CUL9: variants seen among roughly 807,000 people sequenced by gnomAD.
CUL9 encodes cullin 9.
Under a neutral mutation model 272.6 loss-of-function variants are expected in CUL9, and 79 were observed. The observed-to-expected ratio is 0.29, with a 90% CI of 0.24 to 0.35. The LOEUF is 0.35. Among genes scored for constraint, CUL9 ranks in the 10% least tolerant of loss-of-function variants. CUL9 has a pLI of 1.00. For synonymous variants in CUL9, 1,186 were observed against 1,286.5 expected, an observed-to-expected ratio of 0.92 and a Z score of 1.67; for missense variants, 2,532 against 3,255.6, an observed-to-expected ratio of 0.78 and a Z score of 5.41.
rs61739483 is a variant in CUL9 at position 43,187,720 on chromosome 6, G to C, written c.1589G>C (p.Gly530Ala). Residue 530 changes from glycine to alanine, a missense_variant, in exon 7 of 41, where the codon GGT (glycine) becomes GCT (alanine). Gly to Ala is a moderately conservative substitution (Grantham distance 60, BLOSUM62 0). This residue lies in a region of CUL9 where 2,218 missense variants were observed against 2,788.6 expected (regional missense o/e 0.80). Transcript: ENST00000252050. ...NLWKNLDETLGEKALGEISVS... is the reference protein window; with the variant it reads ...NLWKNLDETLAEKALGEISVS... ...TACCCCTTCTGTTGACAGACCCTGGGTGAAAAGGCCCTAGGTGAGATCTCT... is the reference window on the plus strand; with the variant it reads ...TACCCCTTCTGTTGACAGACCCTGGCTGAAAAGGCCCTAGGTGAGATCTCT... The C allele has an allele frequency of 8.9e-3, 14,350 of 1,612,338 alleles. 81 individuals carry two copies. The highest frequency in any genetic ancestry group is 0.011 in the Middle Eastern group (54 of 4,964).
chr6:43,223,192 TA>T lies in CUL9; in HGVS notation c.7151-71del. The T allele has an allele frequency of 6.6e-7, 1 of 1,511,888 alleles. No homozygotes were observed. Among genetic ancestry groups the T allele is most frequent in the Admixed American group, 2.0e-5 (1 of 49,928 alleles). The allele number at this position is 1,511,888 out of a possible 1,614,324, so 93.7% of individuals were successfully genotyped here. On this transcript the variant is annotated intron_variant, in intron 38 of 40. Coordinates refer to ENST00000252050, the MANE Select transcript of CUL9 (RefSeq NM_015089.4). The surrounding 1 kb of genome is among the most constrained non-coding windows in gnomAD (Gnocchi z 4.1). ...CACCTGGTGCTTGGTAGACGTTCCA[TA>T]GGTGTTTGTTGGAGGAAGGAATGGA...
In CUL9 at chr6:43,206,135, A is replaced by G. The variant is rs1479216614; in HGVS notation, c.4922A>G (p.Glu1641Gly). 21 of 1,614,050 alleles carry G rather than the reference A, an allele frequency of 1.3e-5. No homozygotes were observed. The highest frequency in any genetic ancestry group is 1.6e-5 in the Non-Finnish European group (19 of 1,180,038). Residue 1641 changes from glutamate to glycine, a missense_variant, in exon 25 of 41, where the codon GAG (glutamate) becomes GGG (glycine). Transcript: ENST00000252050. The surrounding 1 kb of genome is among the most constrained non-coding windows in gnomAD (Gnocchi z 4.8). ...ATGCTGCAGAGCCTGAGCACCTCTG[A>G]GGAGCTGCAGCGCCAGTTCCACCTC... The part of the protein sequence containing the change: ...QLMLQSLSTS[E>G]ELQRQFHLFQ...
chr6:43,209,349 C>T (rs1055040629), intron 26 of CUL9, among the ~76,000 whole-genome samples: 2 of 151,562 alleles, frequency 1.3e-5, no homozygotes, highest in African/African-American at 4.9e-5. Context: ...CAGGGTTTCA[C>T]CATGTTAGCC....
At chr6:43,209,444 C>T (rs57722196) in intron 26 of CUL9, among the ~76,000 whole-genome samples, 4,350 of 152,010 alleles carry the variant, frequency 0.029, 112 homozygotes, top group African/African-American at 0.077. Flanking sequence ...CCACCGTGCC[C>T]GGCCATTCTA....
chr6:43,185,038 A>T, intron 2 of CUL9, 133 bp downstream of exon 2: 1 of 710,754 alleles, frequency 1.4e-6, no homozygotes, highest in Non-Finnish European at 2.3e-6. Context: ...AAAGGAAAAA[A>T]TATAGATTAA....
At position 43,199,179 on chromosome 6, in the gene CUL9, G is replaced by T. The variant is rs976331900; in HGVS notation, c.3051-87G>T. ...TCGAACTCCCGACCTCAGGTGATCC[G>T]CCCACTTCGGCCTCCCAAAGTGCTG... On this transcript the variant is annotated intron_variant, in intron 12 of 40. Coordinates refer to ENST00000252050, the MANE Select transcript of CUL9 (RefSeq NM_015089.4). This position sits in a 1 kb window ranked among gnomAD's most constrained non-coding sequence, Gnocchi z 4.4. 3 of 1,103,614 alleles carry T rather than the reference G, an allele frequency of 2.7e-6. No individual in the cohort carries two copies. The highest frequency in any genetic ancestry group is 1.7e-5 in the Admixed American group (1 of 57,622). 68.4% of individuals were successfully genotyped at this position (1,103,614 alleles called of 1,614,324 possible). A position where few individuals can be genotyped will look rare whatever the true frequency, so the allele number is the denominator to read the frequency against.
rs1192639509 is a variant in CUL9 at position 43,206,107 on chromosome 6, C to G, written c.4894C>G (p.Leu1632Val). The change falls in exon 25 of 41, where the codon CTG (leucine) becomes GTG (valine). Residue 1632 changes from leucine to valine, a missense_variant. Leu to Val is a conservative substitution (Grantham distance 32). This residue lies in a region of CUL9 where 2,218 missense variants were observed against 2,788.6 expected (regional missense o/e 0.80). Coordinates refer to ENST00000252050, the MANE Select transcript of CUL9 (RefSeq NM_015089.4). The surrounding 1 kb of genome is among the most constrained non-coding windows in gnomAD (Gnocchi z 4.8). Reference protein sequence around the residue: ...GLCFPNRLPQLMLQSLSTSEE... With the variant: ...GLCFPNRLPQVMLQSLSTSEE... ...CTGTTTTCCCAACCGCCTCCCACAG[C>G]TGATGCTGCAGAGCCTGAGCACCTC... is the stretch of plus-strand genomic sequence containing the variant. 1 of 1,614,094 alleles carries G rather than the reference C, an allele frequency of 6.2e-7. No homozygotes were observed. Among genetic ancestry groups the G allele is most frequent in the African/African-American group, 1.3e-5 (1 of 74,934 alleles).
Position 43,187,595 on chromosome 6 carries a change from G to A in CUL9, c.1582-118G>A, listed in dbSNP as rs1046362652. 8 of 1,343,348 alleles carry A rather than the reference G, an allele frequency of 6.0e-6. No individual in the cohort carries two copies. In the African/African-American group the frequency reaches 1.2e-4, roughly 20 times the overall value. 83.2% of individuals were successfully genotyped at this position (1,343,348 alleles called of 1,614,324 possible). ...GCTGGGGGTTGGAGGCAAGTGCTGT[G>A]AGGGTCTAGTATGTAGAAGGTGTGG... On this transcript the variant is annotated intron_variant, in intron 6 of 40. Transcript: ENST00000252050.
rs1434872117 is a variant in CUL9 at position 43,202,592 on chromosome 6, C to G, written c.3648-124C>G. On this transcript the variant is annotated intron_variant, in intron 16 of 40. Transcript: ENST00000252050. ...AGAGGTGGGGTCTTGCAGTGTTGCC[C>G]AGGTTGATCTTAAACTAGCCTCAAG... The G allele has an allele frequency of 1.3e-5, 10 of 763,658 alleles. No individual in the cohort carries two copies. The East Asian group carries it at 2.5e-4, about 19-fold the overall frequency. The allele number at this position is 763,658 out of a possible 1,614,324, so 47.3% of individuals were successfully genotyped here. A position where few individuals can be genotyped will look rare whatever the true frequency, so the allele number is the denominator to read the frequency against.
chr6:43,186,866 T>A lies in CUL9; in HGVS notation c.1252-94T>A, dbSNP rs552312642. ...TGTATCTGAGGGTGCGCCCCAGATCTATGCTTGGGCATGTCCTTTCAAGCC... is the reference window on the plus strand; with the variant it reads ...TGTATCTGAGGGTGCGCCCCAGATCAATGCTTGGGCATGTCCTTTCAAGCC... On this transcript the variant is annotated intron_variant, in intron 4 of 40. Coordinates refer to ENST00000252050, the MANE Select transcript of CUL9 (RefSeq NM_015089.4). 8.8e-4 allele frequency: 1,293 copies of A among 1,476,352 alleles called. 2 individuals carry two copies. The highest frequency in any genetic ancestry group is 1.1e-3 in the Non-Finnish European group (1,238 of 1,085,908). 91.5% of individuals were successfully genotyped at this position (1,476,352 alleles called of 1,614,324 possible).
In CUL9 at chr6:43,205,274, G is replaced by A. The variant is rs1290469503; in HGVS notation, c.4644G>A (p.Gln1548=). 3 of 1,613,576 alleles carry A rather than the reference G, an allele frequency of 1.9e-6. No homozygotes were observed. The highest frequency in any genetic ancestry group is 2.5e-6 in the Non-Finnish European group (3 of 1,179,600). The change falls in exon 24 of 41, where the codon CAG becomes CAA. Residue 1548 remains glutamine (Q), a synonymous_variant. Coordinates refer to ENST00000252050, the MANE Select transcript of CUL9 (RefSeq NM_015089.4). ...TCCCCTGCCCCCAGATGAGTGAGCA[G>A]TTTGCCAGGTACATTGACCAACAGA... ...SFLTAAHMSE[Q]FARYIDQQIQ...
chr6:43,221,861 C>G lies in CUL9; in HGVS notation c.6846+83C>G, dbSNP rs1372746458. The G allele has an allele frequency of 2.4e-6, 3 of 1,227,192 alleles. No individual in the cohort carries two copies. In the African/African-American group the frequency reaches 4.4e-5, roughly 18 times the overall value. 76.0% of individuals were successfully genotyped at this position (1,227,192 alleles called of 1,614,324 possible). On this transcript the variant is annotated intron_variant, in intron 35 of 40. Coordinates refer to ENST00000252050, the MANE Select transcript of CUL9 (RefSeq NM_015089.4). The surrounding 1 kb of genome is among the most constrained non-coding windows in gnomAD (Gnocchi z 4.2). ...GCTACCAGGTCCTGGGCAGACAGGG[C>G]TCCTTGTGCAGTGCAGCATTCTAGC...
At position 43,204,777 on chromosome 6, in the gene CUL9, A is replaced by G. The variant is rs1294253733; in HGVS notation, c.4369A>G (p.Ser1457Gly). ...CAAGAACAGCAAGGGTCGGGACCGG[A>G]GCCCGGCGCCTTCGCCAGTGCTTCC... ...FSKNSKGRDR[S>G]PAPSPVLPSS... The change falls in exon 22 of 41, where the codon AGC (serine) becomes GGC (glycine). Residue 1457 changes from serine (S) to glycine (G), a missense_variant. Ser to Gly is a moderately conservative substitution (Grantham distance 56). Transcript: ENST00000252050. 4.3e-6 allele frequency: 7 copies of G among 1,614,064 alleles called. No individual in the cohort carries two copies. The Admixed American group carries it at 1.0e-4, about 23-fold the overall frequency.
Position 43,220,992 on chromosome 6 carries a change from A to T in CUL9, c.6588+81A>T, listed in dbSNP as rs948111554. The T allele has an allele frequency of 9.4e-6, 14 of 1,487,686 alleles. No individual in the cohort carries two copies. Among genetic ancestry groups the T allele is most frequent in the Non-Finnish European group, 1.2e-5 (13 of 1,110,654 alleles). 92.2% of individuals were successfully genotyped at this position (1,487,686 alleles called of 1,614,324 possible). On this transcript the variant is annotated intron_variant, in intron 33 of 40. Coordinates refer to ENST00000252050, the MANE Select transcript of CUL9 (RefSeq NM_015089.4). This position sits in a 1 kb window ranked among gnomAD's most constrained non-coding sequence, Gnocchi z 4.9. ...TTAATATCCCCACCCCGCCACACAC[A>T]CAGACTGTGACTTGTCCTTCCTCAG...
At position 43,223,148 on chromosome 6, in the gene CUL9, A is replaced by C; in HGVS notation, c.7151-116A>C. On this transcript the variant is annotated intron_variant, in intron 38 of 40. Coordinates refer to ENST00000252050, the MANE Select transcript of CUL9 (RefSeq NM_015089.4). This position sits in a 1 kb window ranked among gnomAD's most constrained non-coding sequence, Gnocchi z 4.1. Reference sequence around the variant, plus strand: ...TTACCCTGCTCCCCTAGGGAGCTTCATGAGAATGTCTAGAGCTGCACCTGG... The same window carrying C: ...TTACCCTGCTCCCCTAGGGAGCTTCCTGAGAATGTCTAGAGCTGCACCTGG... 1 of 1,394,360 alleles carries C rather than the reference A, an allele frequency of 7.2e-7. No homozygotes were observed. Among genetic ancestry groups the C allele is most frequent in the Non-Finnish European group, 9.6e-7 (1 of 1,039,274 alleles). 86.4% of individuals were successfully genotyped at this position (1,394,360 alleles called of 1,614,324 possible).
chr6:43,203,228 G>T lies in CUL9; in HGVS notation c.3849+24G>T. Reference sequence around the variant, plus strand: ...AGGTGGTGTTAGGGTGTCAGCCAGGGCTGAGGAGGAGGAGGTGGCACACAA... The same window carrying T: ...AGGTGGTGTTAGGGTGTCAGCCAGGTCTGAGGAGGAGGAGGTGGCACACAA... On this transcript the variant is annotated intron_variant, in intron 18 of 40. Transcript: ENST00000252050. This position sits in a 1 kb window ranked among gnomAD's most constrained non-coding sequence, Gnocchi z 5.0. The T allele has an allele frequency of 6.2e-7, 1 of 1,613,696 alleles. No homozygotes were observed. The highest frequency in any genetic ancestry group is 1.1e-5 in the South Asian group (1 of 91,080).
rs765124435 is a variant in CUL9 at position 43,186,147 on chromosome 6, C to G, written c.943C>G (p.Arg315Gly). ...AVGNLISELVRSMGWARNLSE... is the reference protein window; with the variant it reads ...AVGNLISELVGSMGWARNLSE... The stretch of plus-strand genomic sequence containing the variant: ...GGGCAACCTCATCTCTGAGCTTGTG[C>G]GGAGCATGGGCTGGGCCCGGAACCT... Residue 315 changes from arginine to glycine, a missense_variant, in exon 4 of 41, where the codon CGG (arginine) becomes GGG (glycine). Arg to Gly is a moderately radical substitution (Grantham distance 125). This residue lies in a region of CUL9 where 2,218 missense variants were observed against 2,788.6 expected (regional missense o/e 0.80). Transcript: ENST00000252050. The G allele has an allele frequency of 1.9e-6, 3 of 1,614,216 alleles. No homozygotes were observed. The highest frequency in any genetic ancestry group is 2.5e-6 in the Non-Finnish European group (3 of 1,180,034).
chr6:43,189,703 C>T (rs931379816), intron 8 of CUL9, among the ~76,000 whole-genome samples: 1 of 152,060 alleles, frequency 6.6e-6, no homozygotes, highest in Admixed American at 6.6e-5. Flanking sequence ...ACCACCAGGC[C>T]CAGCTAATTT....
Position 43,203,975 on chromosome 6 carries a change from A to G in CUL9, c.4147A>G (p.Ile1383Val). The G allele has an allele frequency of 6.2e-7, 1 of 1,601,918 alleles. No homozygotes were observed. Among genetic ancestry groups the G allele is most frequent in the Non-Finnish European group, 8.5e-7 (1 of 1,171,478 alleles). The change falls in exon 20 of 41, where the codon ATC becomes GTC. Residue 1383 changes from isoleucine (I) to valine (V), a missense_variant. Coordinates refer to ENST00000252050, the MANE Select transcript of CUL9 (RefSeq NM_015089.4). This position sits in a 1 kb window ranked among gnomAD's most constrained non-coding sequence, Gnocchi z 5.0. ...EALVSPLVQNITSPDAEGVSA... is the reference protein window; with the variant it reads ...EALVSPLVQNVTSPDAEGVSA... The stretch of plus-strand genomic sequence containing the variant: ...CCTGGTCAGCCCCCTGGTGCAGAAC[A>G]TCACCTCTCCCGGTAACCATGCTGA...
Sources: allele counts gnomAD v4.1 joint callset (sites outside exome capture counted in the v4.1 genomes callset), GRCh38; gene constraint gnomAD v4.1.1; regional missense constraint gnomAD v4.1.1; non-coding constraint Gnocchi (gnomAD v3.1); transcripts MANE v1.5; gene names NCBI Gene and HGNC (gene_info 2026-07-23, HGNC 2026-07-21).